SPOCK3: variants seen among roughly 807,000 people sequenced by gnomAD.
SPOCK3 encodes SPARC (osteonectin), cwcv and kazal like domains proteoglycan 3.
SPOCK3 carries 30 observed loss-of-function variants against 56.6 expected under a neutral mutation model. The ratio of observed to expected loss-of-function variants is 0.53; its 90% CI spans 0.40 to 0.72. SPOCK3 has a LOEUF of 0.72. Among genes scored for constraint, SPOCK3 ranks in the 30% least tolerant of loss-of-function variants. The probability of loss-of-function intolerance (pLI) is 0.00; values close to 1 mark genes in which losing one functional copy is unlikely to be tolerated. For synonymous variants in SPOCK3, 196 were observed against 183.3 expected (o/e 1.07, Z -0.56); for missense variants, 527 against 530.0 (o/e 0.99, Z 0.06).
chr4:167,073,714 T>A (rs1428831095), intron 2 of SPOCK3, among the ~76,000 whole-genome samples: 1 of 151,908 alleles, frequency 6.6e-6, no homozygotes, highest in Non-Finnish European at 1.5e-5. Context: ...CTATTTTTAA[T>A]TTATTTCATT....
intron 6 of SPOCK3, among the ~76,000 whole-genome samples, chr4:166,843,681 A>T (rs1747751267): frequency 6.6e-6 from 1 of 152,180 alleles, no homozygotes; most frequent in Non-Finnish European, 1.5e-5. Context: ...CAAGCAAAGG[A>T]TCCAGTTGGC....
In SPOCK3 at chr4:167,015,451, C is replaced by G. The variant is rs75579140; in HGVS notation, c.236-14988G>C. ...ATAGAAATTTTTAGAACCTAGTTTA[C>G]AAATTAAAGCTTTGTAAATGTTTTT... On this transcript the variant is annotated intron_variant, in intron 3 of 10. Transcript: ENST00000357545. Among the ~76,000 whole-genome samples the G allele has an allele frequency of 3.2e-3, 489 of 152,216 alleles. 4 individuals are homozygous for G. The highest frequency in any genetic ancestry group is 6.8e-3 in the Middle Eastern group (2 of 294).
At chr4:166,799,533 A>G (rs1229180040) in intron 6 of SPOCK3, among the ~76,000 whole-genome samples, 2 of 152,160 alleles carry the variant, frequency 1.3e-5, no homozygotes, top group African/African-American at 4.8e-5. Context: ...GCTTGGGCAT[A>G]GGGTGATGTT....
intron 2 of SPOCK3, among the ~76,000 whole-genome samples, chr4:167,147,340 A>T (rs1242053222): frequency 6.6e-6 from 1 of 152,188 alleles, no homozygotes; most frequent in African/African-American, 2.4e-5. Flanking sequence ...AAAAAAGTCC[A>T]GGACCAGTTG....
chr4:166,861,152 G>A (rs961259287), intron 6 of SPOCK3, among the ~76,000 whole-genome samples: 5 of 151,932 alleles, frequency 3.3e-5, no homozygotes, highest in African/African-American at 7.2e-5. Context: ...CATATGATAA[G>A]TGCAGTAAGC....
chr4:166,802,074 T>A (rs1319347606), intron 6 of SPOCK3, among the ~76,000 whole-genome samples: 1 of 151,876 alleles, frequency 6.6e-6, no homozygotes, highest in Non-Finnish European at 1.5e-5. Flanking sequence ...AAAAAATATA[T>A]CCATCACTGT....
intron 6 of SPOCK3, among the ~76,000 whole-genome samples, chr4:166,872,388 C>G (rs934641536): frequency 6.6e-6 from 1 of 151,994 alleles, no homozygotes; most frequent in African/African-American, 2.4e-5. Flanking sequence ...ATAAAGTGAG[C>G]CTCCTAAACA....
chr4:166,990,397 A>AT (rs201707475), intron 4 of SPOCK3, among the ~76,000 whole-genome samples: 258 of 79,264 alleles, frequency 3.3e-3, no homozygotes, highest in Admixed American at 0.011. Flanking sequence ...TAATAAAAAA[A>AT]TTAAAAAAAA....
chr4:167,066,664 G>A (rs1305940106), intron 2 of SPOCK3, among the ~76,000 whole-genome samples: 6 of 151,484 alleles, frequency 4.0e-5, no homozygotes, highest in African/African-American at 9.7e-5. Flanking sequence ...CTTTGGTATC[G>A]ACTTACTGTC....
At chr4:166,994,566 G>A (rs1169769099) in intron 4 of SPOCK3, among the ~76,000 whole-genome samples, 3 of 152,138 alleles carry the variant, frequency 2.0e-5, no homozygotes, top group Non-Finnish European at 2.9e-5. Context: ...AAAGGACCAC[G>A]AGAAGGATTT....
chr4:166,850,678 C>A (rs1037179706), intron 6 of SPOCK3, among the ~76,000 whole-genome samples: 2 of 152,238 alleles, frequency 1.3e-5, no homozygotes, highest in African/African-American at 4.8e-5. Context: ...TCAGGGAGTT[C>A]CCTTTCGTAG....
chr4:167,067,184 T>C (rs1319507730), intron 2 of SPOCK3, among the ~76,000 whole-genome samples: 1 of 151,850 alleles, frequency 6.6e-6, no homozygotes, highest in Non-Finnish European at 1.5e-5. Context: ...TTAAGCCATT[T>C]AAGTCATCCC....
At chr4:166,965,018 G>T (rs1296710917) in intron 4 of SPOCK3, among the ~76,000 whole-genome samples, 1 of 151,892 alleles carries the variant, frequency 6.6e-6, no homozygotes, top group Non-Finnish European at 1.5e-5. Context: ...ATCTGGCAAT[G>T]AAGCCATTTT....
intron 2 of SPOCK3, among the ~76,000 whole-genome samples, chr4:167,094,657 C>G (rs919990333): frequency 4.0e-5 from 6 of 151,894 alleles, no homozygotes; most frequent in Admixed American, 3.3e-4. Flanking sequence ...CACAGGAACG[C>G]GAGAGTTAGT....
intron 2 of SPOCK3, 97 bp from the exon 3 acceptor site, chr4:167,062,634 A>C: frequency 1.1e-6 from 1 of 873,978 alleles, no homozygotes; most frequent in Admixed American, 2.1e-5. Flanking sequence ...CAGAAGCTGT[A>C]TACAAACCTC....
chr4:166,836,532 A>T (rs1192794234), intron 6 of SPOCK3, among the ~76,000 whole-genome samples: 9 of 152,106 alleles, frequency 5.9e-5, no homozygotes, highest in Admixed American at 5.2e-4. Context: ...ATTTTTTCTT[A>T]TGTGACTTGA....
At chr4:166,924,581 T>C (rs1226965436) in intron 4 of SPOCK3, among the ~76,000 whole-genome samples, 1 of 152,234 alleles carries the variant, frequency 6.6e-6, no homozygotes, top group Non-Finnish European at 1.5e-5. Flanking sequence ...CCATAAAATA[T>C]ACTACATGCT....
At chr4:166,945,399 A>G (rs965438540) in intron 4 of SPOCK3, among the ~76,000 whole-genome samples, 15 of 152,196 alleles carry the variant, frequency 9.9e-5, no homozygotes, top group Non-Finnish European at 1.8e-4. Flanking sequence ...AAGATTTATT[A>G]TGACTTCCTC....
At chr4:167,049,251 T>A (rs1753985521) in intron 3 of SPOCK3, among the ~76,000 whole-genome samples, 1 of 151,882 alleles carries the variant, frequency 6.6e-6, no homozygotes, top group African/African-American at 2.4e-5. Context: ...CCCTACTTAC[T>A]AACAAAAAAG....
Sources: gnomAD v4.1 joint callset for allele counts (sites outside exome capture counted in the v4.1 genomes callset) on GRCh38, gnomAD v4.1.1 for gene constraint, MANE v1.5 for transcripts, NCBI Gene and HGNC (gene_info 2026-07-23, HGNC 2026-07-21) for gene names.